Variants in NBAS observed in about 807,000 individuals in gnomAD.
NBAS encodes NAG/BC035112 fusion.
NBAS carries 219 observed loss-of-function variants against 302.5 expected under a neutral mutation model. That is an observed-to-expected ratio of 0.72 (90% confidence interval 0.65 to 0.81). The LOEUF (loss-of-function observed/expected upper bound fraction) is 0.81. Ranked by LOEUF, NBAS falls within the 30% of genes least tolerant of loss-of-function variation. The pLI, the probability that NBAS is intolerant of heterozygous loss-of-function variation, is 0.00. For missense variants in NBAS, 2,932 were observed against 2,841.6 expected, an observed-to-expected ratio of 1.03 and a Z score of -0.72; for synonymous variants, 1,118 against 1,021.6, an observed-to-expected ratio of 1.09 and a Z score of -1.80.
At chr2:14,806,824 C>G in the NBAS span, among the ~76,000 whole-genome samples, 1 of 152,182 alleles carries the variant, frequency 6.6e-6, no homozygotes, top group Admixed American at 6.5e-5. Flanking sequence ...TTATTTTTGT[C>G]CATATGAGCC....
chr2:15,081,885 G>C, the NBAS span, among the ~76,000 whole-genome samples: 3 of 152,278 alleles, frequency 2.0e-5, no homozygotes, highest in South Asian at 6.2e-4. Flanking sequence ...TATAACATTG[G>C]CTGGAGTCAG....
the NBAS span, among the ~76,000 whole-genome samples, chr2:15,129,267 G>T: frequency 6.6e-6 from 1 of 152,258 alleles, no homozygotes; most frequent in Non-Finnish European, 1.5e-5. Context: ...GCCTTGTCGG[G>T]TTTACTGATC....
chr2:15,060,964 A>G, the NBAS span, among the ~76,000 whole-genome samples: 4 of 152,210 alleles, frequency 2.6e-5, no homozygotes, highest in African/African-American at 9.6e-5. Context: ...TTATGACATG[A>G]AAATGGGCTC....
chr2:15,179,281 G>C (rs1396894778), intron 50 of NBAS, 165 bp from the exon 51 acceptor site: 11 of 964,962 alleles, frequency 1.1e-5, no homozygotes, highest in Non-Finnish European at 1.4e-5. Context: ...GTTGGTACCT[G>C]CTTCACTTGG....
intron 5 of NBAS, among the ~76,000 whole-genome samples, chr2:15,551,760 T>C (rs937022301): frequency 2.6e-5 from 4 of 152,206 alleles, no homozygotes. Context: ...GACATATATA[T>C]GGAATATAGT....
the NBAS span, among the ~76,000 whole-genome samples, chr2:14,925,708 C>T: frequency 3.3e-5 from 5 of 152,152 alleles, no homozygotes; most frequent in Admixed American, 3.3e-4. Flanking sequence ...ACTGCCTCCT[C>T]GGTGATTCAT....
chr2:15,490,473 C>T (rs909899077), intron 11 of NBAS, among the ~76,000 whole-genome samples: 1 of 152,086 alleles, frequency 6.6e-6, no homozygotes, highest in African/African-American at 2.4e-5. Context: ...AATTTTAAAT[C>T]TATCACATCC....
the NBAS span, among the ~76,000 whole-genome samples, chr2:14,808,248 G>C: frequency 6.6e-6 from 1 of 152,200 alleles, no homozygotes; most frequent in Non-Finnish European, 1.5e-5. Flanking sequence ...GAGCTAGTAA[G>C]GTGGGGAGCT....
chr2:15,361,687 T>G (rs539013231), intron 32 of NBAS, among the ~76,000 whole-genome samples: 1 of 152,262 alleles, frequency 6.6e-6, no homozygotes, highest in South Asian at 2.1e-4. Context: ...TTTTAATATT[T>G]CCAGGAAATG....
chr2:15,226,513 T>C (rs1332376909), intron 47 of NBAS, among the ~76,000 whole-genome samples: 1 of 152,240 alleles, frequency 6.6e-6, no homozygotes. Context: ...TACACATTTA[T>C]AGATTTCTTT....
At chr2:15,078,971 A>G in the NBAS span, among the ~76,000 whole-genome samples, 6 of 152,156 alleles carry the variant, frequency 3.9e-5, no homozygotes, top group Non-Finnish European at 7.4e-5. Flanking sequence ...ATGAACTGCA[A>G]TTTGATATGA....
chr2:15,483,811 T>C lies in NBAS; in HGVS notation c.1083+5083A>G, dbSNP rs74723193. On this transcript the variant is annotated intron_variant, in intron 12 of 51. Coordinates refer to ENST00000281513, the MANE Select transcript of NBAS (RefSeq NM_015909.4). ...CCCAAATGAGTTGAATTCACAATTT[T>C]GGTAAAGAGGTTTAAGGCTGTGCAG... is the stretch of plus-strand genomic sequence containing the variant. Among the ~76,000 whole-genome samples, 1,223 of 152,308 alleles carry C rather than the reference T, an allele frequency of 8.0e-3. 18 individuals carry two copies. The highest frequency in any genetic ancestry group is 0.058 in the East Asian group (303 of 5,186).
At chr2:14,800,484 G>T in the NBAS span, among the ~76,000 whole-genome samples, 2 of 152,148 alleles carry the variant, frequency 1.3e-5, no homozygotes, top group African/African-American at 4.8e-5. Context: ...CCAGTCTCAG[G>T]TATGTCTTTA....
At chr2:15,033,228 T>G in the NBAS span, among the ~76,000 whole-genome samples, 1 of 152,204 alleles carries the variant, frequency 6.6e-6, no homozygotes, top group African/African-American at 2.4e-5. Flanking sequence ...TACTCCTTTC[T>G]TTTTCCTATT....
chr2:15,437,451 G>A (rs1678084228), intron 21 of NBAS, among the ~76,000 whole-genome samples: 1 of 152,124 alleles, frequency 6.6e-6, no homozygotes, highest in Non-Finnish European at 1.5e-5. Context: ...TTTGAGTCTA[G>A]GCAAAATTAC....
At chr2:14,827,870 G>T in the NBAS span, among the ~76,000 whole-genome samples, 1 of 152,156 alleles carries the variant, frequency 6.6e-6, no homozygotes, top group Non-Finnish European at 1.5e-5. Context: ...CCAAAGACCT[G>T]CTGTGCAACA....
chr2:15,140,301 A>G, the NBAS span, among the ~76,000 whole-genome samples: 1 of 152,198 alleles, frequency 6.6e-6, no homozygotes, highest in African/African-American at 2.4e-5. Context: ...GACAACATGG[A>G]GCAGAAAGAG....
At chr2:14,794,621 T>C in the NBAS span, among the ~76,000 whole-genome samples, 1 of 152,228 alleles carries the variant, frequency 6.6e-6, no homozygotes, top group African/African-American at 2.4e-5. Flanking sequence ...TTACATATAA[T>C]AAATTGCACA....
the NBAS span, among the ~76,000 whole-genome samples, chr2:14,891,871 G>C: frequency 1.3e-5 from 2 of 152,166 alleles, no homozygotes; most frequent in African/African-American, 4.8e-5. Flanking sequence ...AAAATTCTCA[G>C]GGTGACAAGA....
Sources: gnomAD v4.1 joint callset for allele counts (sites outside exome capture counted in the v4.1 genomes callset) on GRCh38, gnomAD v4.1.1 for gene constraint, MANE v1.5 for transcripts, NCBI Gene and HGNC (gene_info 2026-07-23, HGNC 2026-07-21) for gene names.